Variants in FKBP4 observed in about 807,000 individuals in gnomAD.
FKBP4 encodes peptidyl-prolyl cis-trans isomerase FKBP4.
Under a neutral mutation model 54.1 loss-of-function variants are expected in FKBP4, and 28 were observed. The observed-to-expected ratio is 0.52, with a 90% CI of 0.38 to 0.71. The LOEUF is 0.71. Ranked by LOEUF, FKBP4 falls within the 30% of genes least tolerant of loss-of-function variation. The pLI is 0.00. For synonymous variants in FKBP4, 223 were observed against 216.1 expected (o/e 1.03, Z -0.28); for missense variants, 493 against 574.4 (o/e 0.86, Z 1.45).
At position 2,795,982 on chromosome 12, in the gene FKBP4, G is replaced by A; in HGVS notation, c.105+738G>A. On this transcript the variant is annotated intron_variant, in intron 1 of 9. Coordinates refer to ENST00000001008, the MANE Select transcript of FKBP4 (RefSeq NM_002014.4). The surrounding 1 kb of genome is among the most constrained non-coding windows in gnomAD (Gnocchi z 4.3). The stretch of plus-strand genomic sequence containing the variant: ...AGGGCTGCGGGGTGTGGGGCGGGGA[G>A]GAGGCGCTCTGCTGTGGAGCCTGCC... The A allele has an allele frequency of 9.2e-7, 1 of 1,083,332 alleles. No homozygotes were observed. Among genetic ancestry groups the A allele is most frequent in the Non-Finnish European group, 1.1e-6 (1 of 885,408 alleles). 67.1% of individuals were successfully genotyped at this position (1,083,332 alleles called of 1,614,324 possible). A position where few individuals can be genotyped will look rare whatever the true frequency, so the allele number is the denominator to read the frequency against.
intron 1 of FKBP4, chr12:2,796,262 C>G (rs1457191224): frequency 7.8e-7 from 1 of 1,289,216 alleles, no homozygotes; most frequent in South Asian, 1.2e-5. Flanking sequence ...GTCTTTGCAC[C>G]AGATTATTGG....
chr12:2,796,125 A>G, intron 1 of FKBP4: 1 of 1,225,488 alleles, frequency 8.2e-7, no homozygotes, highest in Non-Finnish European at 1.0e-6. Context: ...GAGATGGTGA[A>G]TTCCCAGCCT....
At position 2,797,773 on chromosome 12, in the gene FKBP4, G is replaced by T. The variant is rs2097902699; in HGVS notation, c.295G>T (p.Val99Leu). 1.2e-6 allele frequency: 2 copies of T among 1,613,976 alleles called. No individual in the cohort carries two copies. The highest frequency in any genetic ancestry group is 2.7e-5 in the African/African-American group (2 of 75,030). ...AWDIAIATMK[V>L]GEVCHITCKP... Reference sequence around the variant, plus strand: ...GGACATTGCCATAGCCACCATGAAGGTGGGGGAGGTGTGCCACATCACCTG... The same window carrying T: ...GGACATTGCCATAGCCACCATGAAGTTGGGGGAGGTGTGCCACATCACCTG... The change falls in exon 3 of 10, where the codon GTG becomes TTG. Residue 99 changes from valine (V) to leucine (L), a missense_variant. By Grantham distance (32) the Val-to-Leu change is conservative. Transcript: ENST00000001008.
chr12:2,804,476 G>A lies in FKBP4; in HGVS notation c.*1218G>A, dbSNP rs2097906494. 1 of 152,218 alleles carries A rather than the reference G, an allele frequency of 6.6e-6. No individual in the cohort carries two copies. Among genetic ancestry groups the A allele is most frequent in the Admixed American group, 6.5e-5 (1 of 15,276 alleles). The allele number at this position is 152,218 out of a possible 1,614,324, so 9.4% of individuals were successfully genotyped here. On this transcript the variant is annotated 3_prime_UTR_variant, in exon 10 of 10. Transcript: ENST00000001008. Reference sequence around the variant, plus strand: ...TCCTTCTCAGCCTTAACAGGAAAAGGCTTGTGCTTTTTTTCTAACTATGCT... The same window carrying A: ...TCCTTCTCAGCCTTAACAGGAAAAGACTTGTGCTTTTTTTCTAACTATGCT...
rs1342678902 is a variant in FKBP4 at position 2,801,308 on chromosome 12, G to A, written c.1224G>A (p.Lys408=). ...TCCGAAGGCAGCTTGCCCGGGAGAAGAAGCTCTATGCCAATATGTTTGAGA... is the reference window on the plus strand; with the variant it reads ...TCCGAAGGCAGCTTGCCCGGGAGAAAAAGCTCTATGCCAATATGTTTGAGA... ...QRIRRQLARE[K]KLYANMFERL... Residue 408 remains lysine, a synonymous_variant, in exon 9 of 10, where the codon AAG becomes AAA. Coordinates refer to ENST00000001008, the MANE Select transcript of FKBP4 (RefSeq NM_002014.4). 8.7e-6 allele frequency: 14 copies of A among 1,614,082 alleles called. No homozygotes were observed. The highest frequency in any genetic ancestry group is 1.3e-5 in the African/African-American group (1 of 74,942).
chr12:2,800,362 C>G, intron 7 of FKBP4, 30 bp from the exon 8 acceptor site: 1 of 1,587,012 alleles, frequency 6.3e-7, no homozygotes, highest in Non-Finnish European at 8.6e-7. Context: ...TGAAACTGTG[C>G]CAGGTGCCTG....
At chr12:2,796,951 A>G (rs2097902189) in intron 1 of FKBP4, 187 bp from the exon 2 acceptor site, 21 of 1,380,634 alleles carry the variant, frequency 1.5e-5, no homozygotes, top group Non-Finnish European at 2.0e-5. Flanking sequence ...CTGCACCTCA[A>G]GAAAGACAAG....
chr12:2,802,180 C>T (rs1245504163), intron 9 of FKBP4, among the ~76,000 whole-genome samples: 1 of 152,058 alleles, frequency 6.6e-6, no homozygotes, highest in Non-Finnish European at 1.5e-5. Context: ...TCTTGTTGCC[C>T]AGGCTGGAGT....
chr12:2,796,088 G>C lies in FKBP4; in HGVS notation c.105+844G>C, dbSNP rs1309282134. On this transcript the variant is annotated intron_variant, in intron 1 of 9. Coordinates refer to ENST00000001008, the MANE Select transcript of FKBP4 (RefSeq NM_002014.4). ...ACCTGGGCCAGGACAACCTGCCTTG[G>C]GTCGGAGCAGGTTCCAGGGAGAATC... 5.9e-6 allele frequency: 7 copies of C among 1,196,252 alleles called. No homozygotes were observed. The East Asian group carries it at 2.9e-4, about 50-fold the overall frequency. 74.1% of individuals were successfully genotyped at this position (1,196,252 alleles called of 1,614,324 possible). A position where few individuals can be genotyped will look rare whatever the true frequency, so the allele number is the denominator to read the frequency against.
Position 2,804,669 on chromosome 12 carries a change from G to C in FKBP4, c.*1411G>C, listed in dbSNP as rs1286349670. 1 of 152,876 alleles carries C rather than the reference G, an allele frequency of 6.5e-6. No individual in the cohort carries two copies. The highest frequency in any genetic ancestry group is 2.4e-5 in the African/African-American group (1 of 41,452). The allele number at this position is 152,876 out of a possible 1,614,324, so 9.5% of individuals were successfully genotyped here. On this transcript the variant is annotated 3_prime_UTR_variant, in exon 10 of 10. Transcript: ENST00000001008. ...TCCAGTCCTTTCCCAACAGCGATGTGGTTGTCTGCTTAGCCACATGCCTGT... is the reference window on the plus strand; with the variant it reads ...TCCAGTCCTTTCCCAACAGCGATGTCGTTGTCTGCTTAGCCACATGCCTGT...
Position 2,798,462 on chromosome 12 carries a change from T to C in FKBP4, c.394-244T>C, listed in dbSNP as rs1002780248. On this transcript the variant is annotated intron_variant, in intron 3 of 9. Transcript: ENST00000001008. The surrounding 1 kb of genome is among the most constrained non-coding windows in gnomAD (Gnocchi z 4.3). ...GATATGTCCGTGTTAGTAGAGCAGG[T>C]AGCAAATAGATTGCTCTCCTCAGCT... Among the ~76,000 whole-genome samples, 6 of 152,208 alleles carry C rather than the reference T, an allele frequency of 3.9e-5. No individual in the cohort carries two copies. The highest frequency in any genetic ancestry group is 1.4e-4 in the African/African-American group (6 of 41,444).
intron 1 of FKBP4, chr12:2,796,771 A>G (rs1254193331): frequency 9.4e-7 from 1 of 1,066,658 alleles, no homozygotes; most frequent in Non-Finnish European, 1.1e-6. Flanking sequence ...TTATAATAAT[A>G]ATCTATTATT....
chr12:2,801,753 C>CA (rs970131259), intron 9 of FKBP4: 2 of 355,282 alleles, frequency 5.6e-6, no homozygotes, highest in Non-Finnish European at 5.6e-6. Flanking sequence ...AACCCCATCT[C>CA]AAAAAAAGAA....
Position 2,800,119 on chromosome 12 carries a change from C to A in FKBP4, c.843C>A (p.Phe281Leu), listed in dbSNP as rs753001598. The change falls in exon 7 of 10, where the codon TTC becomes TTA. Residue 281 changes from phenylalanine to leucine, a missense_variant. Physicochemically the swap from Phe to Leu is conservative, Grantham distance 22. Coordinates refer to ENST00000001008, the MANE Select transcript of FKBP4 (RefSeq NM_002014.4). ...TGAAAGAGCGGGGCACTGTGTACTTCAAGGTGAGCCAACAGTCATTGTCCT... is the reference window on the plus strand; with the variant it reads ...TGAAAGAGCGGGGCACTGTGTACTTAAAGGTGAGCCAACAGTCATTGTCCT... The part of the protein sequence containing the change: ...TIVKERGTVY[F>L]KEGKYKQALL... The A allele has an allele frequency of 1.9e-6, 3 of 1,612,924 alleles. No individual in the cohort carries two copies. Among genetic ancestry groups the A allele is most frequent in the Admixed American group, 3.3e-5 (2 of 60,028 alleles).
rs2097901491 is a variant in FKBP4, at chr12:2,795,853, T to C, written c.105+609T>C. On this transcript the variant is annotated intron_variant, in intron 1 of 9. Transcript: ENST00000001008. The surrounding 1 kb of genome is among the most constrained non-coding windows in gnomAD (Gnocchi z 4.3). ...CTGCCGACGCCGGGACCCAGCGAGG[T>C]CCCCACTCGCCGCGCGGCGCCCCCT... 10 of 672,768 alleles carry C rather than the reference T, an allele frequency of 1.5e-5. No homozygotes were observed. The highest frequency in any genetic ancestry group is 1.8e-5 in the Non-Finnish European group (10 of 543,402). The allele number at this position is 672,768 out of a possible 1,614,324, so 41.7% of individuals were successfully genotyped here.
chr12:2,803,252 A>T lies in FKBP4; in HGVS notation c.1374A>T (p.Glu458Asp), dbSNP rs986229474. The change falls in exon 10 of 10, where the codon GAA becomes GAT. Residue 458 changes from glutamate (E) to aspartate (D), a missense_variant. Physicochemically the swap from Glu to Asp is conservative, Grantham distance 45 (BLOSUM62 2). Coordinates refer to ENST00000001008, the MANE Select transcript of FKBP4 (RefSeq NM_002014.4). ...TAGSQSQVET[E>D]A ...GGAGCCAGTCTCAGGTGGAGACAGAAGCATAGCCCCTCTCCACCAGCCCTA... is the reference window on the plus strand; with the variant it reads ...GGAGCCAGTCTCAGGTGGAGACAGATGCATAGCCCCTCTCCACCAGCCCTA... The T allele has an allele frequency of 6.3e-7, 1 of 1,577,228 alleles. No homozygotes were observed. The highest frequency in any genetic ancestry group is 1.4e-5 in the African/African-American group (1 of 73,932).
At chr12:2,797,899 C>G in intron 3 of FKBP4, 28 bp downstream of exon 3, 10 of 1,602,846 alleles carry the variant, frequency 6.2e-6, no homozygotes, top group Non-Finnish European at 8.5e-6. Flanking sequence ...GAGATCCAGG[C>G]TAAGAGCCAG....
intron 1 of FKBP4, chr12:2,796,016 A>G (rs1050110310): frequency 8.7e-7 from 1 of 1,153,844 alleles, no homozygotes; most frequent in African/African-American, 1.6e-5. Context: ...CCGCCGAGTG[A>G]CCGCTCGACT....
Position 2,803,294 on chromosome 12 carries a change from C to A in FKBP4, c.*36C>A. ...CCAGCCCTACTCCTGCGGCTGCCTG[C>A]CCCCCAGTCTCCCCACTCCACCCTG... On this transcript the variant is annotated 3_prime_UTR_variant, in exon 10 of 10. Transcript: ENST00000001008. The A allele has an allele frequency of 7.1e-7, 1 of 1,409,214 alleles. No homozygotes were observed. Among genetic ancestry groups the A allele is most frequent in the South Asian group, 1.2e-5 (1 of 81,476 alleles). The allele number at this position is 1,409,214 out of a possible 1,614,324, so 87.3% of individuals were successfully genotyped here.
Sources: gnomAD v4.1 joint callset for allele counts (sites outside exome capture counted in the v4.1 genomes callset) on GRCh38, gnomAD v4.1.1 for gene constraint, Gnocchi (gnomAD v3.1) non-coding constraint, MANE v1.5 for transcripts, NCBI Gene and HGNC (gene_info 2026-07-23, HGNC 2026-07-21) for gene names.